PBX1: variants seen among roughly 807,000 people sequenced by gnomAD.
The protein encoded by PBX1 is pre-B-cell leukemia transcription factor 1.
PBX1 carries 6 observed loss-of-function variants against 53.4 expected under a neutral mutation model. The ratio of observed to expected loss-of-function variants is 0.11; its 90% CI spans 0.06 to 0.22. PBX1 has a LOEUF of 0.22. Ranked by LOEUF, PBX1 falls within the 10% of genes least tolerant of loss-of-function variation. The probability of loss-of-function intolerance (pLI) is 1.00; values close to 1 mark genes in which losing one functional copy is unlikely to be tolerated. For synonymous variants in PBX1, 204 were observed against 212.3 expected, an observed-to-expected ratio of 0.96 and a Z score of 0.34; for missense variants, 251 against 551.4, an observed-to-expected ratio of 0.46 and a Z score of 5.46.
chr1:164,814,420 A>G (rs1006669205), intron 6 of PBX1: 9 of 152,182 alleles, frequency 5.9e-5, no homozygotes, highest in Non-Finnish European at 1.0e-4. Flanking sequence ...AGTTTTACAA[A>G]ATATAAGTAC....
At chr1:164,876,201 A>G (rs551712430) in intron 2 of PBX1, among the ~76,000 whole-genome samples, 1 of 152,100 alleles carries the variant, frequency 6.6e-6, no homozygotes, top group Non-Finnish European at 1.5e-5. Flanking sequence ...AATGCTAAAT[A>G]ATCATAATAA....
At chr1:164,795,423 T>C (rs1490122646) in intron 3 of PBX1, among the ~76,000 whole-genome samples, 1 of 152,204 alleles carries the variant, frequency 6.6e-6, no homozygotes, top group African/African-American at 2.4e-5. Context: ...CAGAAACTTC[T>C]TGTGGCTACC....
intron 3 of PBX1, among the ~76,000 whole-genome samples, chr1:164,799,463 C>A (rs1668957650): frequency 6.6e-6 from 1 of 152,122 alleles, no homozygotes; most frequent in Non-Finnish European, 1.5e-5. Flanking sequence ...TGCACTCCAG[C>A]CTGGGCGACC....
intron 2 of PBX1, among the ~76,000 whole-genome samples, chr1:164,758,537 C>T (rs866775524): frequency 9.9e-5 from 15 of 152,056 alleles, no homozygotes; most frequent in South Asian, 2.1e-4. Context: ...AGGTGACTTC[C>T]GGGTTCATGC....
intron 2 of PBX1, among the ~76,000 whole-genome samples, chr1:164,885,075 C>A (rs1342145484): frequency 6.6e-6 from 1 of 152,104 alleles, no homozygotes; most frequent in Non-Finnish European, 1.5e-5. Context: ...CCCACCAAAT[C>A]CCTGGCAGGC....
chr1:164,561,253 C>T (rs189493328), intron 1 of PBX1, among the ~76,000 whole-genome samples: 1 of 152,068 alleles, frequency 6.6e-6, no homozygotes, highest in African/African-American at 2.4e-5. Context: ...TTTCTGTCTA[C>T]GTGAAATAAG....
chr1:164,773,778 A>T (rs577579253), intron 2 of PBX1, among the ~76,000 whole-genome samples: 1 of 152,248 alleles, frequency 6.6e-6, no homozygotes, highest in South Asian at 2.1e-4. Flanking sequence ...GTGTACTGGA[A>T]AGGATTGGGT....
chr1:164,640,792 A>G (rs1260075787), intron 2 of PBX1, among the ~76,000 whole-genome samples: 2 of 151,976 alleles, frequency 1.3e-5, no homozygotes, highest in Non-Finnish European at 2.9e-5. Context: ...TCCTGAGCTC[A>G]GGCAATCCGC....
intron 2 of PBX1, among the ~76,000 whole-genome samples, chr1:164,608,592 A>G (rs1307423805): frequency 6.6e-6 from 1 of 152,260 alleles, no homozygotes; most frequent in Non-Finnish European, 1.5e-5. Context: ...TAGACAGATG[A>G]GGAAATAGAG....
chr1:164,624,621 C>A (rs747123412), intron 2 of PBX1, among the ~76,000 whole-genome samples: 4 of 152,226 alleles, frequency 2.6e-5, no homozygotes, highest in Non-Finnish European at 5.9e-5. Flanking sequence ...CATGGACACA[C>A]ATGCAGATAA....
Position 164,850,389 on chromosome 1 carries a change from T to A in PBX1, c.*3713T>A, listed in dbSNP as rs1265921878. 3.0e-5 allele frequency: 6 copies of A among 201,598 alleles called. No individual in the cohort carries two copies. Among genetic ancestry groups the A allele is most frequent in the Admixed American group, 6.0e-5 (1 of 16,670 alleles). The allele number at this position is 201,598 out of a possible 1,614,324, so 12.5% of individuals were successfully genotyped here. ...AATAGTGAGCATAATAGGTACAACCTAACACATTATTATGTTTATTAACTT... is the reference window on the plus strand; with the variant it reads ...AATAGTGAGCATAATAGGTACAACCAAACACATTATTATGTTTATTAACTT... On this transcript the variant is annotated 3_prime_UTR_variant, in exon 9 of 9. Coordinates refer to ENST00000420696, the MANE Select transcript of PBX1 (RefSeq NM_002585.4).
chr1:164,560,247 T>TGA, intron 1 of PBX1: 1 of 437,828 alleles, frequency 2.3e-6, no homozygotes, highest in East Asian at 3.5e-5. Flanking sequence ...TGTGTGTGTG[T>TGA]GAATATAGGG....
At chr1:164,693,344 A>G (rs1428088961) in intron 2 of PBX1, among the ~76,000 whole-genome samples, 1 of 152,248 alleles carries the variant, frequency 6.6e-6, no homozygotes, top group Non-Finnish European at 1.5e-5. Flanking sequence ...TATTACAATT[A>G]TTATAATACC....
intron 2 of PBX1, among the ~76,000 whole-genome samples, chr1:164,686,307 A>G (rs1031928731): frequency 1.3e-5 from 2 of 152,128 alleles, no homozygotes; most frequent in African/African-American, 4.8e-5. Flanking sequence ...CCCATTTCCC[A>G]GTTTCTCTGC....
intron 2 of PBX1, among the ~76,000 whole-genome samples, chr1:164,602,184 T>G (rs1355394367): frequency 6.6e-6 from 1 of 152,152 alleles, no homozygotes. Context: ...CCTGGCTAGT[T>G]ACAACCATGT....
At chr1:164,578,657 C>A (rs56217471) in intron 2 of PBX1, among the ~76,000 whole-genome samples, 1 of 152,112 alleles carries the variant, frequency 6.6e-6, no homozygotes, top group Non-Finnish European at 1.5e-5. Flanking sequence ...TCCCAAAGCC[C>A]ATGACAGGAG....
At chr1:164,824,741 T>C (rs922633936) in intron 8 of PBX1, among the ~76,000 whole-genome samples, 3 of 152,146 alleles carry the variant, frequency 2.0e-5, no homozygotes, top group African/African-American at 7.2e-5. Context: ...CAATGGGCAA[T>C]ACTTACTAAG....
intron 2 of PBX1, among the ~76,000 whole-genome samples, chr1:164,722,186 C>T (rs1383146568): frequency 6.6e-6 from 1 of 152,182 alleles, no homozygotes; most frequent in African/African-American, 2.4e-5. Flanking sequence ...AATCTTCTTG[C>T]TGCTCATTGA....
chr1:164,640,262 A>G (rs1659038137), intron 2 of PBX1, among the ~76,000 whole-genome samples: 1 of 152,098 alleles, frequency 6.6e-6, no homozygotes, highest in Non-Finnish European at 1.5e-5. Flanking sequence ...CAGAGTAGCT[A>G]AGGGATCCAA....
Sources: allele counts gnomAD v4.1 joint callset (sites outside exome capture counted in the v4.1 genomes callset), GRCh38; gene constraint gnomAD v4.1.1; transcripts MANE v1.5; gene names NCBI Gene and HGNC (gene_info 2026-07-23, HGNC 2026-07-21).